The following GRM8 variants were observed in gnomAD, a reference collection of about 807,000 sequenced individuals.
GRM8 encodes metabotropic glutamate receptor 8.
In GRM8, 47 loss-of-function variants were observed where a neutral mutation model predicts 87.2. The observed-to-expected ratio is 0.54, with a 90% CI of 0.43 to 0.69. The LOEUF (loss-of-function observed/expected upper bound fraction) is 0.69, where lower values mean the gene tolerates loss of function less well. Ranked by LOEUF, GRM8 falls within the 30% of genes least tolerant of loss-of-function variation. The probability of loss-of-function intolerance (pLI) is 0.00; values close to 1 mark genes in which losing one functional copy is unlikely to be tolerated. For synonymous variants in GRM8, 396 were observed against 404.5 expected, an observed-to-expected ratio of 0.98 and a Z score of 0.25; for missense variants, 1,019 against 1,139.2, an observed-to-expected ratio of 0.89 and a Z score of 1.52.
chr7:126,754,251 C>A (rs1234885706), intron 7 of GRM8, among the ~76,000 whole-genome samples: 2 of 151,774 alleles, frequency 1.3e-5, no homozygotes, highest in African/African-American at 4.8e-5. Context: ...ATTCAGAATG[C>A]AGTATTTAAA....
chr7:126,872,076 T>C (rs1799148820), intron 6 of GRM8, among the ~76,000 whole-genome samples: 1 of 152,172 alleles, frequency 6.6e-6, no homozygotes, highest in South Asian at 2.1e-4. Flanking sequence ...CTATAAGTGA[T>C]CTGGGTGTTT....
intron 8 of GRM8, among the ~76,000 whole-genome samples, chr7:126,542,457 G>C (rs75797543): frequency 0.021 from 3,268 of 152,284 alleles, 106 homozygotes; most frequent in African/African-American, 0.074. Flanking sequence ...GGGGAACATA[G>C]AGCTGGGGCA....
chr7:127,108,127 C>A (rs1463221432), intron 2 of GRM8, among the ~76,000 whole-genome samples: 1 of 152,140 alleles, frequency 6.6e-6, no homozygotes, highest in African/African-American at 2.4e-5. Flanking sequence ...TGCCCTTTGC[C>A]TTCTCTGCCA....
chr7:126,534,221 T>A (rs376491818), intron 8 of GRM8, among the ~76,000 whole-genome samples: 7 of 152,244 alleles, frequency 4.6e-5, no homozygotes, highest in Admixed American at 1.3e-4. Context: ...AGAAGCCCCG[T>A]AGAAAGATGC....
chr7:126,456,008 A>C (rs1179089355), intron 9 of GRM8, among the ~76,000 whole-genome samples: 1 of 151,720 alleles, frequency 6.6e-6, no homozygotes, highest in Non-Finnish European at 1.5e-5. Flanking sequence ...AAAAATAACA[A>C]ATCCATAAAA....
intron 8 of GRM8, among the ~76,000 whole-genome samples, chr7:126,569,305 C>A (rs966843176): frequency 4.6e-5 from 7 of 152,110 alleles, no homozygotes; most frequent in African/African-American, 1.7e-4. Flanking sequence ...ATGAAGCTGG[C>A]AAAAGTGCCA....
At chr7:127,044,163 C>A (rs1161938756) in intron 3 of GRM8, among the ~76,000 whole-genome samples, 1 of 152,170 alleles carries the variant, frequency 6.6e-6, no homozygotes, top group African/African-American at 2.4e-5. Context: ...CCAACAGCAG[C>A]TGCACAGGAG....
intron 2 of GRM8, among the ~76,000 whole-genome samples, chr7:127,185,275 A>G (rs1008906301): frequency 1.3e-5 from 2 of 152,118 alleles, no homozygotes; most frequent in African/African-American, 2.4e-5. Context: ...TACTAGATAA[A>G]TGGAACAGAA....
At chr7:126,721,026 C>G (rs3824011) in intron 7 of GRM8, among the ~76,000 whole-genome samples, 35,764 of 152,118 alleles carry the variant, frequency 0.24, 4,487 homozygotes, top group East Asian at 0.35. Flanking sequence ...GTTTTCTGCT[C>G]TCTTGAGCTG....
chr7:126,672,973 T>C (rs959950236), intron 7 of GRM8, among the ~76,000 whole-genome samples: 3 of 152,180 alleles, frequency 2.0e-5, no homozygotes, highest in African/African-American at 7.2e-5. Context: ...ATCCTTAATC[T>C]AATGGCAGTT....
intron 8 of GRM8, among the ~76,000 whole-genome samples, chr7:126,555,115 G>T (rs1038677052): frequency 1.3e-5 from 2 of 152,106 alleles, no homozygotes; most frequent in African/African-American, 4.8e-5. Context: ...AAATTATTTA[G>T]AACAGAAACA....
At position 126,456,519 on chromosome 7, in the gene GRM8, T is replaced by TAAAAAAAAAA. The variant is rs513; in HGVS notation, c.2431-10157_2431-10148dup. 5.4e-3 allele frequency among the ~76,000 whole-genome samples: 376 copies of TAAAAAAAAAA among 69,568 alleles called. 20 individuals are homozygous for TAAAAAAAAAA. The highest frequency in any genetic ancestry group is 0.012 in the African/African-American group (143 of 12,026). The allele number at this position is 69,568 out of a possible 152,430, so 45.6% of individuals were successfully genotyped here. A position where few individuals can be genotyped will look rare whatever the true frequency, so the allele number is the denominator to read the frequency against. ...TCCTAAGTGTAAGAAAGCAGCAAGC[T>TAAAAAAAAAA]AAAAAAAAAAAAAAAAAAAAAAAAA... On this transcript the variant is annotated intron_variant, in intron 9 of 10. Transcript: ENST00000339582.
chr7:126,466,385 A>C (rs536065923), intron 9 of GRM8, among the ~76,000 whole-genome samples: 9 of 152,062 alleles, frequency 5.9e-5, no homozygotes, highest in Admixed American at 5.9e-4. Context: ...TGATAGTTGA[A>C]AAAAGAAAGA....
intron 7 of GRM8, among the ~76,000 whole-genome samples, chr7:126,744,545 T>C (rs1483354119): frequency 6.6e-6 from 1 of 152,060 alleles, no homozygotes; most frequent in African/African-American, 2.4e-5. Flanking sequence ...CATAACTCAG[T>C]GAACCAATAT....
chr7:127,227,068 T>G (rs893041199), intron 2 of GRM8, among the ~76,000 whole-genome samples: 1 of 152,140 alleles, frequency 6.6e-6, no homozygotes, highest in South Asian at 2.1e-4. Flanking sequence ...AAAGTAAAGG[T>G]AGAGTCAAAT....
intron 3 of GRM8, among the ~76,000 whole-genome samples, chr7:127,078,697 C>A (rs1316776999): frequency 6.6e-6 from 1 of 152,188 alleles, no homozygotes; most frequent in Non-Finnish European, 1.5e-5. Flanking sequence ...GTGATGGCAT[C>A]ACAGCTTTCA....
chr7:126,462,529 C>T (rs1259940073), intron 9 of GRM8, among the ~76,000 whole-genome samples: 1 of 151,502 alleles, frequency 6.6e-6, no homozygotes, highest in East Asian at 1.9e-4. Context: ...ATCTCAAATG[C>T]CACCAGTCAA....
At chr7:126,907,693 C>T (rs1238971662) in intron 3 of GRM8, among the ~76,000 whole-genome samples, 1 of 152,048 alleles carries the variant, frequency 6.6e-6, no homozygotes, top group Non-Finnish European at 1.5e-5. Flanking sequence ...CTTTGAGTGG[C>T]CCATAGGAAT....
At chr7:127,097,465 C>T (rs1425796618) in intron 3 of GRM8, among the ~76,000 whole-genome samples, 2 of 152,146 alleles carry the variant, frequency 1.3e-5, no homozygotes, top group Non-Finnish European at 2.9e-5. Flanking sequence ...GAATCTTAGC[C>T]ACATATAGTT....
Sources: allele counts gnomAD v4.1 joint callset (sites outside exome capture counted in the v4.1 genomes callset), GRCh38; gene constraint gnomAD v4.1.1; transcripts MANE v1.5; gene names NCBI Gene and HGNC (gene_info 2026-07-23, HGNC 2026-07-21).